The following RIPOR1 variants were observed in gnomAD, a reference collection of about 807,000 sequenced individuals.
The protein encoded by RIPOR1 is rho family-interacting cell polarization regulator 1.
Under a neutral mutation model 116.5 loss-of-function variants are expected in RIPOR1, and 58 were observed. The ratio of observed to expected loss-of-function variants is 0.50; its 90% CI spans 0.40 to 0.62. The LOEUF (loss-of-function observed/expected upper bound fraction) is 0.62. Ranked by LOEUF, RIPOR1 falls within the 20% of genes least tolerant of loss-of-function variation. RIPOR1 has a pLI of 0.00. For missense variants in RIPOR1, 1,372 were observed against 1,586.2 expected (o/e 0.86, Z 2.29); for synonymous variants, 605 against 650.0 (o/e 0.93, Z 1.05).
At chr16:67,527,072 G>A (rs935880899), upstream of RIPOR1, among the ~76,000 whole-genome samples, 7 of 152,142 alleles carry the variant, frequency 4.6e-5, no homozygotes, top group Non-Finnish European at 7.3e-5. Flanking sequence ...TTTAGGGTAG[G>A]GTGAATAAAG....
chr16:67,531,534 G>C lies in RIPOR1; in HGVS notation c.-24+2620G>C, dbSNP rs775635856. ...TGCTTCCTGGAGGAAGAAGTCATAG[G>C]GTAGACTTGAGGAAGGAGAGGGACT... On this transcript the variant is annotated intron_variant, in intron 1 of 21. Coordinates refer to ENST00000042381, the MANE Select transcript of RIPOR1 (RefSeq NM_024519.4). This position sits in a 1 kb window ranked among gnomAD's most constrained non-coding sequence, Gnocchi z 4.2. The C allele has an allele frequency of 3.6e-5, 16 of 440,030 alleles. No homozygotes were observed. Among genetic ancestry groups the C allele is most frequent in the Middle Eastern group, 3.6e-4 (1 of 2,800 alleles). 27.3% of individuals were successfully genotyped at this position (440,030 alleles called of 1,614,324 possible).
In RIPOR1 at chr16:67,544,481, G is replaced by A; in HGVS notation, c.2733+50G>A. 1.3e-6 allele frequency: 2 copies of A among 1,573,810 alleles called. No individual in the cohort carries two copies. The highest frequency in any genetic ancestry group is 1.7e-6 in the Non-Finnish European group (2 of 1,160,110). On this transcript the variant is annotated intron_variant, in intron 15 of 21. Transcript: ENST00000042381. The surrounding 1 kb of genome is among the most constrained non-coding windows in gnomAD (Gnocchi z 5.1). ...CCTTCCTTTGTAACCCCTAACCCCA[G>A]GGAGTCCTGCCCTTCCATCCTGGTC... is the stretch of plus-strand genomic sequence containing the variant.
rs2050598960 is a variant in RIPOR1 at position 67,529,582 on chromosome 16, C to A, written c.-24+668C>A. 1 of 583,272 alleles carries A rather than the reference C, an allele frequency of 1.7e-6. No homozygotes were observed. The highest frequency in any genetic ancestry group is 3.0e-6 in the Non-Finnish European group (1 of 332,034). 36.1% of individuals were successfully genotyped at this position (583,272 alleles called of 1,614,324 possible). On this transcript the variant is annotated intron_variant, in intron 1 of 21. Coordinates refer to ENST00000042381, the MANE Select transcript of RIPOR1 (RefSeq NM_024519.4). The surrounding 1 kb of genome is among the most constrained non-coding windows in gnomAD (Gnocchi z 4.1). ...CTGGTTTGGGCAAGGGGCTGCTCAC[C>A]AGGGCTAGAGGTCGGATTCAGTCCA...
In RIPOR1 at chr16:67,541,932, A is replaced by G. The variant is rs2050999418; in HGVS notation, c.1146A>G (p.Ser382=). The G allele has an allele frequency of 6.2e-7, 1 of 1,612,054 alleles. No individual in the cohort carries two copies. Among genetic ancestry groups the G allele is most frequent in the Non-Finnish European group, 8.5e-7 (1 of 1,179,454 alleles). The part of the protein sequence containing the change: ...GTAWSLSSES[S]DDSSSPQLSG... ...CATGGTCCCTGTCATCTGAATCTTC[A>G]GACGACTCATCCAGCCCACAGCTCT... Residue 382 remains serine (S), a synonymous_variant, in exon 13 of 22, where the codon TCA becomes TCG. Coordinates refer to ENST00000042381, the MANE Select transcript of RIPOR1 (RefSeq NM_024519.4). The surrounding 1 kb of genome is among the most constrained non-coding windows in gnomAD (Gnocchi z 4.6).
chr16:67,533,974 A>ATT (rs767462361), intron 1 of RIPOR1, among the ~76,000 whole-genome samples: 65 of 123,418 alleles, frequency 5.3e-4, no homozygotes, highest in African/African-American at 1.7e-3. Context: ...CGCCCGGCTA[A>ATT]TTTTTTTTTT....
At position 67,541,631 on chromosome 16, in the gene RIPOR1, C is replaced by T. The variant is rs1423578663; in HGVS notation, c.951-22C>T. The stretch of plus-strand genomic sequence containing the variant: ...GGGCCAGGAGGGCTGTGGCACCTGC[C>T]AACAGCCTCTTCCCTTCCCAGCCCC... On this transcript the variant is annotated intron_variant, in intron 11 of 21. Transcript: ENST00000042381. The surrounding 1 kb of genome is among the most constrained non-coding windows in gnomAD (Gnocchi z 4.6). 2 of 1,614,036 alleles carry T rather than the reference C, an allele frequency of 1.2e-6. No individual in the cohort carries two copies. The highest frequency in any genetic ancestry group is 1.7e-4 in the Middle Eastern group (1 of 6,060).
chr16:67,540,187 G>A lies in RIPOR1; in HGVS notation c.549G>A (p.Gly183=), dbSNP rs2050934269. ...ARDSLAEATR[G]HREYTESMCL... ...ACAGCCTGGCAGAGGCCACTCGGGG[G>A]CATCGCGAGTACACGGAGGTGAGGG... The change falls in exon 7 of 22, where the codon GGG becomes GGA. Residue 183 remains glycine, a synonymous_variant. Coordinates refer to ENST00000042381, the MANE Select transcript of RIPOR1 (RefSeq NM_024519.4). This position sits in a 1 kb window ranked among gnomAD's most constrained non-coding sequence, Gnocchi z 4.7. 5.6e-6 allele frequency: 9 copies of A among 1,614,036 alleles called. No individual in the cohort carries two copies. Among genetic ancestry groups the A allele is most frequent in the Admixed American group, 1.7e-5 (1 of 60,014 alleles).
Position 67,540,751 on chromosome 16 carries a change from C to T in RIPOR1, c.801+47C>T. On this transcript the variant is annotated intron_variant, in intron 10 of 21. Coordinates refer to ENST00000042381, the MANE Select transcript of RIPOR1 (RefSeq NM_024519.4). This position sits in a 1 kb window ranked among gnomAD's most constrained non-coding sequence, Gnocchi z 4.7. ...GCAGGCCACCATGGCCCTGTGAACCCCTTGTGACCCCCATTACCCTGAGTC... is the reference window on the plus strand; with the variant it reads ...GCAGGCCACCATGGCCCTGTGAACCTCTTGTGACCCCCATTACCCTGAGTC... 6.5e-7 allele frequency: 1 copy of T among 1,534,228 alleles called. No homozygotes were observed. The highest frequency in any genetic ancestry group is 8.8e-7 in the Non-Finnish European group (1 of 1,138,626).
chr16:67,539,560 C>T (rs2050908648), intron 4 of RIPOR1, 168 bp from the exon 5 acceptor site: 3 of 819,816 alleles, frequency 3.7e-6, no homozygotes, highest in Non-Finnish European at 6.3e-6. Flanking sequence ...TCTGTGCTAC[C>T]AGCATCCACC....
chr16:67,545,586 A>G lies in RIPOR1; in HGVS notation c.3190+52A>G, dbSNP rs755874914. The G allele has an allele frequency of 1.4e-5, 22 of 1,599,406 alleles. No homozygotes were observed. The highest frequency in any genetic ancestry group is 3.3e-4 in the Middle Eastern group (2 of 6,028). On this transcript the variant is annotated intron_variant, in intron 18 of 21. Transcript: ENST00000042381. The surrounding 1 kb of genome is among the most constrained non-coding windows in gnomAD (Gnocchi z 4.8). ...TGGCCTCTTGGGGTCTGAGGACATG[A>G]GGACAAGCCCTCCCCAACCTCGGGG...
Position 67,529,489 on chromosome 16 carries a change from A to T in RIPOR1, c.-24+575A>T. On this transcript the variant is annotated intron_variant, in intron 1 of 21. Transcript: ENST00000042381. This position sits in a 1 kb window ranked among gnomAD's most constrained non-coding sequence, Gnocchi z 4.1. Reference sequence around the variant, plus strand: ...GAGGATCGTCCTTGTCGGGGAACGGAGCTTTTCCCTGGAAATGGAGGTTGG... The same window carrying T: ...GAGGATCGTCCTTGTCGGGGAACGGTGCTTTTCCCTGGAAATGGAGGTTGG... 1 of 375,472 alleles carries T rather than the reference A, an allele frequency of 2.7e-6. No individual in the cohort carries two copies. Among genetic ancestry groups the T allele is most frequent in the Non-Finnish European group, 4.8e-6 (1 of 206,720 alleles). 23.3% of individuals were successfully genotyped at this position (375,472 alleles called of 1,614,324 possible).
rs545144531 is a variant in RIPOR1, at chr16:67,543,555, G to A, written c.2600+86G>A. ...CAGGGGAAGGTGGAACAGGTGAATT[G>A]GGAGAAAGTCAAAGGACAGGACAGG... On this transcript the variant is annotated intron_variant, in intron 14 of 21. Transcript: ENST00000042381. The surrounding 1 kb of genome is among the most constrained non-coding windows in gnomAD (Gnocchi z 4.7). 1.3e-6 allele frequency: 2 copies of A among 1,525,124 alleles called. No homozygotes were observed. The highest frequency in any genetic ancestry group is 1.8e-6 in the Non-Finnish European group (2 of 1,137,718). The allele number at this position is 1,525,124 out of a possible 1,614,324, so 94.5% of individuals were successfully genotyped here. A position where few individuals can be genotyped will look rare whatever the true frequency, so the allele number is the denominator to read the frequency against.
Position 67,539,894 on chromosome 16 carries a change from A to G in RIPOR1, c.409A>G (p.Ser137Gly). The G allele has an allele frequency of 6.2e-7, 1 of 1,614,186 alleles. No homozygotes were observed. Among genetic ancestry groups the G allele is most frequent in the Non-Finnish European group, 8.5e-7 (1 of 1,180,008 alleles). Residue 137 changes from serine (S) to glycine (G), a missense_variant, in exon 6 of 22, where the codon AGC becomes GGC. Coordinates refer to ENST00000042381, the MANE Select transcript of RIPOR1 (RefSeq NM_024519.4). ...CCTGCGACGACTGGAGTTCCATGCC[A>G]GCAAGGTACGAGTGCAGCATGTGTG... ...RFLRRLEFHA[S>G]KIDELYEAYC... is the part of the protein sequence containing the mutation.
chr16:67,543,556 G>A lies in RIPOR1; in HGVS notation c.2600+87G>A. 6.6e-7 allele frequency: 1 copy of A among 1,524,968 alleles called. No individual in the cohort carries two copies. Among genetic ancestry groups the A allele is most frequent in the African/African-American group, 1.4e-5 (1 of 72,930 alleles). The allele number at this position is 1,524,968 out of a possible 1,614,324, so 94.5% of individuals were successfully genotyped here. On this transcript the variant is annotated intron_variant, in intron 14 of 21. Transcript: ENST00000042381. This position sits in a 1 kb window ranked among gnomAD's most constrained non-coding sequence, Gnocchi z 4.7. ...AGGGGAAGGTGGAACAGGTGAATTGGGAGAAAGTCAAAGGACAGGACAGGT... is the reference window on the plus strand; with the variant it reads ...AGGGGAAGGTGGAACAGGTGAATTGAGAGAAAGTCAAAGGACAGGACAGGT...
chr16:67,522,415 T>A (rs2050503143), intron 1 of RIPOR1, among the ~76,000 whole-genome samples: 1 of 151,666 alleles, frequency 6.6e-6, no homozygotes, highest in African/African-American at 2.4e-5. Flanking sequence ...TTGGCCAGGC[T>A]GGTCTCGAAC....
intron 1 of RIPOR1, among the ~76,000 whole-genome samples, chr16:67,521,748 G>A (rs1003093742): frequency 2.6e-5 from 4 of 152,228 alleles, no homozygotes; most frequent in Non-Finnish European, 5.9e-5. Context: ...CCCCAGGGAA[G>A]CGATTGCCAA....
At position 67,546,181 on chromosome 16, in the gene RIPOR1, C is replaced by A; in HGVS notation, c.3512C>A (p.Thr1171Asn). The A allele has an allele frequency of 6.2e-7, 1 of 1,614,038 alleles. No individual in the cohort carries two copies. Among genetic ancestry groups the A allele is most frequent in the East Asian group, 2.2e-5 (1 of 44,886 alleles). ...GAGCCCCTGGTGTACCTCTGCCAAA[C>A]TGACACAGAAGCTGTGAGGGAAGCT... ...GIEPLVYLCQ[T>N]DTEAVREAAR... is the part of the protein sequence containing the mutation. Residue 1171 changes from threonine (T) to asparagine (N), a missense_variant, in exon 21 of 22, where the codon ACT (threonine) becomes AAT (asparagine). Coordinates refer to ENST00000042381, the MANE Select transcript of RIPOR1 (RefSeq NM_024519.4).
chr16:67,528,062 G>A (rs913731086), upstream of RIPOR1, among the ~76,000 whole-genome samples: 7 of 152,062 alleles, frequency 4.6e-5, no homozygotes, highest in African/African-American at 1.7e-4. Context: ...GGTTGGAAGG[G>A]CCAGGGGTGT....
Position 67,540,728 on chromosome 16 carries a change from AGGCCACCAT to A in RIPOR1, c.801+29_801+37del. ...AGGTGATGTCTCTGCCCAGGACGGC[AGGCCACCAT>A]GGCCCTGTGAACCCCTTGTGACCCC... On this transcript the variant is annotated intron_variant, in intron 10 of 21. Transcript: ENST00000042381. This position sits in a 1 kb window ranked among gnomAD's most constrained non-coding sequence, Gnocchi z 4.7. 1.3e-6 allele frequency: 2 copies of A among 1,560,270 alleles called. No individual in the cohort carries two copies. The highest frequency in any genetic ancestry group is 1.7e-6 in the Non-Finnish European group (2 of 1,153,214).
Sources: allele counts gnomAD v4.1 joint callset (sites outside exome capture counted in the v4.1 genomes callset), GRCh38; gene constraint gnomAD v4.1.1; non-coding constraint Gnocchi (gnomAD v3.1); transcripts MANE v1.5; gene names NCBI Gene and HGNC (gene_info 2026-07-23, HGNC 2026-07-21).